The following MAPKAPK5 variants were observed in gnomAD, a reference collection of about 807,000 sequenced individuals.
The protein encoded by MAPKAPK5 is MAPK activated protein kinase 5, also known as MAP kinase-activated protein kinase 5.
A neutral mutation model predicts 65.1 loss-of-function variants in MAPKAPK5; 30 were observed. That is an observed-to-expected ratio of 0.46 (90% CI 0.34 to 0.63). MAPKAPK5 has a LOEUF of 0.63. Ranked by LOEUF, MAPKAPK5 falls within the 20% of genes least tolerant of loss-of-function variation. The pLI is 0.01. For synonymous variants in MAPKAPK5, 179 were observed against 204.6 expected (o/e 0.87, Z 1.07); for missense variants, 433 against 581.4 (o/e 0.74, Z 2.63).
intron 8 of MAPKAPK5, among the ~76,000 whole-genome samples, chr12:111,881,683 G>A (rs2070237549): frequency 6.6e-6 from 1 of 152,156 alleles, no homozygotes; most frequent in Non-Finnish European, 1.5e-5. Context: ...TGGGATTACA[G>A]GCGTGAGCCA....
At chr12:111,843,474 C>T (rs1781005486) in intron 1 of MAPKAPK5, 1 of 389,574 alleles carries the variant, frequency 2.6e-6, no homozygotes, top group African/African-American at 2.1e-5. Flanking sequence ...CCACTCAGGG[C>T]CAGTTATCTG....
chr12:111,895,267 T>G lies in MAPKAPK5; in HGVS notation c.*2206T>G, dbSNP rs371192589. ...GTGCCCGCCACCGCGCCCGGCTAAT[T>G]TCTTTTTGTATTTTTAGTAGAGACA... On this transcript the variant is annotated 3_prime_UTR_variant, in exon 14 of 14. Coordinates refer to ENST00000550735, the MANE Select transcript of MAPKAPK5 (RefSeq NM_003668.4). 4.6e-5 allele frequency: 7 copies of G among 151,332 alleles called. No individual in the cohort carries two copies. Among genetic ancestry groups the G allele is most frequent in the African/African-American group, 1.7e-4 (7 of 41,128 alleles). The allele number at this position is 151,332 out of a possible 1,614,324, so 9.4% of individuals were successfully genotyped here. A position where few individuals can be genotyped will look rare whatever the true frequency, so the allele number is the denominator to read the frequency against.
intron 7 of MAPKAPK5, among the ~76,000 whole-genome samples, chr12:111,872,858 C>T (rs1215434105): frequency 6.6e-6 from 1 of 152,116 alleles, no homozygotes; most frequent in African/African-American, 2.4e-5. Context: ...TAGATAACTC[C>T]CCATTTTAAG....
At chr12:111,865,834 CAAAAA>C (rs1157723498) in intron 2 of MAPKAPK5, among the ~76,000 whole-genome samples, 1 of 57,420 alleles carries the variant, frequency 1.7e-5, no homozygotes, top group Non-Finnish European at 3.7e-5. Flanking sequence ...GATTCTGTCT[CAAAAA>C]AAAAAAAAAA....
At chr12:111,857,521 T>C (rs533121158) in intron 1 of MAPKAPK5, among the ~76,000 whole-genome samples, 2 of 152,204 alleles carry the variant, frequency 1.3e-5, no homozygotes, top group Non-Finnish European at 1.5e-5. Context: ...ACCAAAGTGC[T>C]AGGATTACAG....
In MAPKAPK5 at chr12:111,888,879, T is replaced by C. The variant is rs1390608168; in HGVS notation, c.1101-6T>C. 1 of 1,613,602 alleles carries C rather than the reference T, an allele frequency of 6.2e-7. No homozygotes were observed. The highest frequency in any genetic ancestry group is 1.3e-5 in the African/African-American group (1 of 75,044). ...TTGTCATTACCCCTCCCTCAAACTC[T>C]TAAAGCACCAAGCCAAAGGACAGTG... On this transcript the variant is annotated splice_polypyrimidine_tract_variant and splice_region_variant and intron_variant, in intron 11 of 13. Transcript: ENST00000550735.
At position 111,868,844 on chromosome 12, in the gene MAPKAPK5, A is replaced by G; in HGVS notation, c.376A>G (p.Ser126Gly). The change falls in exon 5 of 14, where the codon AGC (serine) becomes GGC (glycine). Residue 126 changes from serine (S) to glycine (G), a missense_variant. This residue lies in a region of MAPKAPK5 where 165 missense variants were observed against 180.0 expected (regional missense o/e 0.92). Coordinates refer to ENST00000550735, the MANE Select transcript of MAPKAPK5 (RefSeq NM_003668.4). ...CCGGCACTTTACAGAGAAGCAAGCC[A>G]GCCAAGTAACAAAGCAGGCAAGTTA... is the stretch of plus-strand genomic sequence containing the variant. ...QHRHFTEKQASQVTKQIALAL... is the reference protein window; with the variant it reads ...QHRHFTEKQAGQVTKQIALAL... 1 of 1,560,986 alleles carries G rather than the reference A, an allele frequency of 6.4e-7. No individual in the cohort carries two copies. Among genetic ancestry groups the G allele is most frequent in the South Asian group, 1.2e-5 (1 of 84,438 alleles).
At position 111,892,950 on chromosome 12, in the gene MAPKAPK5, T is replaced by TA. The variant is rs749238674; in HGVS notation, c.1322-17_1322-16insA. The stretch of plus-strand genomic sequence containing the variant: ...CAAAGAATTTGAGGACTGACCTTGT[T>TA]CTTTTTTTGCTTTCAGGTCGTGGAT... On this transcript the variant is annotated splice_polypyrimidine_tract_variant and intron_variant, in intron 13 of 13. Coordinates refer to ENST00000550735, the MANE Select transcript of MAPKAPK5 (RefSeq NM_003668.4). 4 of 1,548,118 alleles carry TA rather than the reference T, an allele frequency of 2.6e-6. No individual in the cohort carries two copies. The South Asian group carries it at 4.8e-5, about 19-fold the overall frequency.
intron 1 of MAPKAPK5, among the ~76,000 whole-genome samples, chr12:111,853,561 GTCTC>G (rs928328950): frequency 8.5e-5 from 13 of 152,052 alleles, no homozygotes; most frequent in African/African-American, 3.1e-4. Flanking sequence ...TTGAGATGGA[GTCTC>G]TCTCTGTTGC....
chr12:111,871,267 T>C (rs1429443086), intron 7 of MAPKAPK5, 87 bp downstream of exon 7: 1 of 1,037,146 alleles, frequency 9.6e-7, no homozygotes. Context: ...CAAGTAGGCA[T>C]ATATTACAGA....
At chr12:111,890,814 T>G (rs1030511186) in intron 13 of MAPKAPK5, among the ~76,000 whole-genome samples, 17 of 152,126 alleles carry the variant, frequency 1.1e-4, no homozygotes, top group Admixed American at 4.6e-4. Flanking sequence ...AGTGCCACCA[T>G]GCCCAGCTAA....
intron 1 of MAPKAPK5, among the ~76,000 whole-genome samples, chr12:111,846,811 A>G (rs1028707334): frequency 3.9e-5 from 6 of 152,250 alleles, no homozygotes; most frequent in African/African-American, 1.4e-4. Flanking sequence ...TAAGTTTCAA[A>G]TTAAGCACTA....
Position 111,867,608 on chromosome 12 carries a change from A to G in MAPKAPK5, c.223A>G (p.Ile75Val). The change falls in exon 4 of 14, where the codon ATA becomes GTA. Residue 75 changes from isoleucine to valine, a missense_variant. Physicochemically the swap from Ile to Val is conservative, Grantham distance 29. Around this residue, in one of 3 missense-constraint regions of MAPKAPK5, gnomAD observed 165 missense variants for 180.0 expected, o/e 0.92. Transcript: ENST00000550735. ...CATGATGTGTGCCACACACCCAAAC[A>G]TAGTTCAGATTATTGAAGTGTTTGC... ...LHMMCATHPN[I>V]VQIIEVFANS... 3 of 1,613,980 alleles carry G rather than the reference A, an allele frequency of 1.9e-6. No homozygotes were observed. The highest frequency in any genetic ancestry group is 2.5e-6 in the Non-Finnish European group (3 of 1,179,874).
In MAPKAPK5 at chr12:111,868,988, G is replaced by A. The variant is rs2069695965; in HGVS notation, c.393+127G>A. ...GACTTCTCATTGCCTGCTTTGTTAT[G>A]TAATCAGAAAAGATGTTTTGACAGG... On this transcript the variant is annotated intron_variant, in intron 5 of 13. Coordinates refer to ENST00000550735, the MANE Select transcript of MAPKAPK5 (RefSeq NM_003668.4). The A allele has an allele frequency of 5.7e-6, 4 of 698,856 alleles. No homozygotes were observed. The Admixed American group carries it at 1.2e-4, about 21-fold the overall frequency. The allele number at this position is 698,856 out of a possible 1,614,324, so 43.3% of individuals were successfully genotyped here.
chr12:111,889,713 A>C (rs1438254294), intron 12 of MAPKAPK5: 2 of 243,904 alleles, frequency 8.2e-6, no homozygotes, highest in Non-Finnish European at 1.6e-5. Context: ...GAGAGAAAGT[A>C]GCCCACTCTC....
intron 8 of MAPKAPK5, chr12:111,882,904 AC>A: frequency 1.1e-6 from 1 of 933,304 alleles, no homozygotes; most frequent in Non-Finnish European, 1.3e-6. Context: ...AGGTTTCACA[AC>A]CAGCTGGTTT....
Position 111,898,275 on chromosome 12 carries a change from TCTC to T in MAPKAPK5, c.*5217_*5219del, listed in dbSNP as rs2070889106. On this transcript the variant is annotated 3_prime_UTR_variant, in exon 14 of 14. Coordinates refer to ENST00000550735, the MANE Select transcript of MAPKAPK5 (RefSeq NM_003668.4). Reference sequence around the variant, plus strand: ...CCTACGCCTCCTGGGTTCAAGCGATTCTCCTGCCTCACCTTCCTGAGTAGCTGA... The same window carrying T: ...CCTACGCCTCCTGGGTTCAAGCGATTCTGCCTCACCTTCCTGAGTAGCTGA... 1 of 151,926 alleles carries T rather than the reference TCTC, an allele frequency of 6.6e-6. No individual in the cohort carries two copies. The highest frequency in any genetic ancestry group is 1.5e-5 in the Non-Finnish European group (1 of 68,026). The allele number at this position is 151,926 out of a possible 1,614,324, so 9.4% of individuals were successfully genotyped here. A position where few individuals can be genotyped will look rare whatever the true frequency, so the allele number is the denominator to read the frequency against.
Position 111,873,904 on chromosome 12 carries a change from T to G in MAPKAPK5, c.579+2724T>G, listed in dbSNP as rs556003637. Among the ~76,000 whole-genome samples, 3 of 152,154 alleles carry G rather than the reference T, an allele frequency of 2.0e-5. No individual in the cohort carries two copies. In the South Asian group the frequency reaches 6.2e-4, roughly 32 times the overall value. On this transcript the variant is annotated intron_variant, in intron 7 of 13. Transcript: ENST00000550735. Reference sequence around the variant, plus strand: ...GATTTGACTGGGGTGGTATTTAATCTATAGGTGAATTTGGAGAGAACTGAT... The same window carrying G: ...GATTTGACTGGGGTGGTATTTAATCGATAGGTGAATTTGGAGAGAACTGAT...
chr12:111,900,163 T>C lies in MAPKAPK5; in HGVS notation c.*7102T>C, dbSNP rs1483203580. On this transcript the variant is annotated 3_prime_UTR_variant, in exon 14 of 14. Transcript: ENST00000550735. ...GTCACAGTGGACTTGCAAATCACAC[T>C]CAGGAATTTCAATCACTGGAGACAA... 1 of 455,956 alleles carries C rather than the reference T, an allele frequency of 2.2e-6. No individual in the cohort carries two copies. Among genetic ancestry groups the C allele is most frequent in the South Asian group, 1.5e-5 (1 of 64,550 alleles). 28.2% of individuals were successfully genotyped at this position (455,956 alleles called of 1,614,324 possible).
Sources: gnomAD v4.1 joint callset for allele counts (sites outside exome capture counted in the v4.1 genomes callset) on GRCh38, gnomAD v4.1.1 for gene constraint, gnomAD v4.1.1 regional missense constraint, MANE v1.5 for transcripts, NCBI Gene and HGNC (gene_info 2026-07-23, HGNC 2026-07-21) for gene names.